The following KYAT1 variants were observed in gnomAD, a reference collection of about 807,000 sequenced individuals.
The protein encoded by KYAT1 is kynurenine--oxoglutarate transaminase 1.
KYAT1 carries 47 observed loss-of-function variants against 52.4 expected under a neutral mutation model. The observed-to-expected ratio is 0.90, with a 90% CI of 0.71 to 1.14. The LOEUF is 1.14. Among genes scored for constraint, KYAT1 ranks in the 50% most tolerant of loss-of-function variants. The pLI, the probability that KYAT1 is intolerant of heterozygous loss-of-function variation, is 0.00. For synonymous variants in KYAT1, 212 were observed against 209.6 expected, an observed-to-expected ratio of 1.01 and a Z score of -0.10; for missense variants, 480 against 557.9, an observed-to-expected ratio of 0.86 and a Z score of 1.41.
At chr9:128,866,988 A>G (rs1294078521) in intron 1 of KYAT1, among the ~76,000 whole-genome samples, 1 of 152,094 alleles carries the variant, frequency 6.6e-6, no homozygotes, top group East Asian at 1.9e-4. Context: ...GCGAAGTACT[A>G]TTTTTTGCCT....
In KYAT1 at chr9:128,871,270, A is replaced by G. The variant is rs1837191797; in HGVS notation, c.-7+10627T>C. Reference sequence around the variant, plus strand: ...AAGGTTGAGGCTGCAGTGAGCCAAGATTGTGCCACTGTACTCCAGCTTGGG... The same window carrying G: ...AAGGTTGAGGCTGCAGTGAGCCAAGGTTGTGCCACTGTACTCCAGCTTGGG... On this transcript the variant is annotated intron_variant, in intron 1 of 12. Transcript: ENST00000302586. 2.0e-5 allele frequency among the ~76,000 whole-genome samples: 3 copies of G among 152,312 alleles called. No homozygotes were observed. The South Asian group carries it at 6.2e-4, about 32-fold the overall frequency.
chr9:128,857,432 G>C (rs1221866533), intron 1 of KYAT1, among the ~76,000 whole-genome samples: 1 of 152,158 alleles, frequency 6.6e-6, no homozygotes, highest in Non-Finnish European at 1.5e-5. Context: ...ATACCCACAG[G>C]TGTGGAGGGA....
chr9:128,857,973 T>C (rs1588117299), intron 1 of KYAT1, among the ~76,000 whole-genome samples: 1 of 152,052 alleles, frequency 6.6e-6, no homozygotes, highest in Non-Finnish European at 1.5e-5. Context: ...AAAGAAAAAA[T>C]AAACTGGACC....
intron 3 of KYAT1, among the ~76,000 whole-genome samples, chr9:128,842,423 C>T (rs1311881889): frequency 6.6e-6 from 1 of 152,208 alleles, no homozygotes; most frequent in Non-Finnish European, 1.5e-5. Flanking sequence ...CATCCTCCTC[C>T]ATCACATCAT....
At chr9:128,869,309 G>C (rs568243947) in intron 1 of KYAT1, among the ~76,000 whole-genome samples, 1 of 151,420 alleles carries the variant, frequency 6.6e-6, no homozygotes, top group Non-Finnish European at 1.5e-5. Flanking sequence ...CTACAGGCGC[G>C]AGCCACCACG....
intron 1 of KYAT1, among the ~76,000 whole-genome samples, chr9:128,847,143 G>A (rs1335012853): frequency 1.3e-5 from 2 of 152,142 alleles, no homozygotes; most frequent in Non-Finnish European, 2.9e-5. Flanking sequence ...ACCCCACCGC[G>A]CCTGGCTCAG....
chr9:128,841,279 C>T (rs550734909), intron 3 of KYAT1, among the ~76,000 whole-genome samples: 1 of 151,182 alleles, frequency 6.6e-6, no homozygotes, highest in Non-Finnish European at 1.5e-5. Flanking sequence ...CCGAGGCAGG[C>T]GAATCACGAG....
At chr9:128,875,787 C>T (rs1437420498) in intron 1 of KYAT1, among the ~76,000 whole-genome samples, 1 of 152,182 alleles carries the variant, frequency 6.6e-6, no homozygotes, top group Non-Finnish European at 1.5e-5. Flanking sequence ...CTCCCTGCTG[C>T]CAGGCCAGGG....
Position 128,835,787 on chromosome 9 carries a change from G to T in KYAT1, c.847C>A (p.Gln283Lys), listed in dbSNP as rs775081171. 1.4e-5 allele frequency: 23 copies of T among 1,612,776 alleles called. No homozygotes were observed. The highest frequency in any genetic ancestry group is 1.9e-5 in the Non-Finnish European group (22 of 1,179,436). The change falls in exon 9 of 13, where the codon CAG (glutamine) becomes AAG (lysine). Residue 283 changes from glutamine (Q) to lysine (K), a missense_variant. Gln to Lys is a moderately conservative substitution (Grantham distance 53). Coordinates refer to ENST00000302586, the MANE Select transcript of KYAT1 (RefSeq NM_004059.5). Reference sequence around the variant, plus strand: ...GTCCTGCCCCTCTTCACCTGGCTCTGCGTGGGGCAGTGGAAGACGGAGTTC... The same window carrying T: ...GTCCTGCCCCTCTTCACCTGGCTCTTCGTGGGGCAGTGGAAGACGGAGTTC... Reference protein sequence around the residue: ...HQNSVFHCPTQSQAAVAESFE... With the variant: ...HQNSVFHCPTKSQAAVAESFE...
At chr9:128,859,749 C>T (rs1174549725) in intron 1 of KYAT1, among the ~76,000 whole-genome samples, 1 of 151,694 alleles carries the variant, frequency 6.6e-6, no homozygotes, top group Admixed American at 6.6e-5. Context: ...CCCAGGTTCA[C>T]ACCATTCTCC....
chr9:128,835,787 G>A lies in KYAT1; in HGVS notation c.847C>T (p.Gln283Ter). 4.3e-6 allele frequency: 7 copies of A among 1,612,894 alleles called. No homozygotes were observed. The highest frequency in any genetic ancestry group is 1.3e-5 in the African/African-American group (1 of 75,024). ...HQNSVFHCPT[Q>*]SQAAVAESFE... ...GTCCTGCCCCTCTTCACCTGGCTCT[G>A]CGTGGGGCAGTGGAAGACGGAGTTC... Residue 283 changes from glutamine to a stop codon, truncating the protein, a stop_gained, in exon 9 of 13, where the codon CAG (glutamine) becomes TAG (stop). Coordinates refer to ENST00000302586, the MANE Select transcript of KYAT1 (RefSeq NM_004059.5). LOFTEE classifies it high-confidence loss of function.
intron 1 of KYAT1, among the ~76,000 whole-genome samples, chr9:128,881,462 T>C (rs1838891598): frequency 1.3e-5 from 2 of 152,212 alleles, no homozygotes; most frequent in African/African-American, 4.8e-5. Flanking sequence ...TTAAACATTG[T>C]TCGTCTTAAT....
chr9:128,836,198 A>T, intron 7 of KYAT1, 125 bp from the exon 8 acceptor site: 2 of 629,368 alleles, frequency 3.2e-6, no homozygotes, highest in Non-Finnish European at 5.3e-6. Flanking sequence ...ATACTAAGTT[A>T]TTTGCACAAT....
At chr9:128,854,375 T>C (rs1168467092) in intron 1 of KYAT1, among the ~76,000 whole-genome samples, 1 of 152,122 alleles carries the variant, frequency 6.6e-6, no homozygotes, top group Non-Finnish European at 1.5e-5. Context: ...AAAAACTGAT[T>C]TGGTAAAAAG....
At chr9:128,843,033 G>A (rs1309679913) in intron 2 of KYAT1, among the ~76,000 whole-genome samples, 1 of 152,180 alleles carries the variant, frequency 6.6e-6, no homozygotes, top group Non-Finnish European at 1.5e-5. Context: ...CAGGCATGGT[G>A]GCAGGGGCCT....
At position 128,880,731 on chromosome 9, in the gene KYAT1, C is replaced by T. The variant is rs145234679; in HGVS notation, c.-7+1166G>A. Among the ~76,000 whole-genome samples the T allele has an allele frequency of 4.1e-3, 625 of 152,164 alleles. 12 individuals are homozygous for T. The highest frequency in any genetic ancestry group is 0.041 in the East Asian group (210 of 5,162). On this transcript the variant is annotated intron_variant, in intron 1 of 12. Coordinates refer to ENST00000302586, the MANE Select transcript of KYAT1 (RefSeq NM_004059.5). ...TGCTGGGATTACAGGTGTGAACCAC[C>T]GCGCCCGGCCCTGGCTATGATATTG...
intron 3 of KYAT1, among the ~76,000 whole-genome samples, chr9:128,842,345 A>G (rs1295574305): frequency 6.6e-6 from 1 of 152,160 alleles, no homozygotes; most frequent in African/African-American, 2.4e-5. Flanking sequence ...CTCCTCCAGG[A>G]AGTCTTCGTG....
chr9:128,839,203 A>G (rs947113231), intron 3 of KYAT1, among the ~76,000 whole-genome samples: 1 of 152,048 alleles, frequency 6.6e-6, no homozygotes, highest in Admixed American at 6.6e-5. Flanking sequence ...ACCTTGGGTA[A>G]TCTGCCTGCT....
chr9:128,850,843 C>T (rs1224085117), intron 1 of KYAT1, among the ~76,000 whole-genome samples: 6 of 152,236 alleles, frequency 3.9e-5, no homozygotes. Context: ...AGGCGAGACA[C>T]ATTGGCAGCA....
Sources: gnomAD v4.1 joint callset for allele counts (sites outside exome capture counted in the v4.1 genomes callset) on GRCh38, gnomAD v4.1.1 for gene constraint, MANE v1.5 for transcripts, NCBI Gene and HGNC (gene_info 2026-07-23, HGNC 2026-07-21) for gene names.